Variants in PITRM1 observed in about 807,000 individuals in gnomAD.
PITRM1 encodes pitrilysin metallopeptidase 1.
A neutral mutation model predicts 129.9 loss-of-function variants in PITRM1; 100 were observed. That is an observed-to-expected ratio of 0.77 (90% CI 0.65 to 0.91). The LOEUF (loss-of-function observed/expected upper bound fraction) is 0.91, where lower values mean the gene tolerates loss of function less well. Among genes scored for constraint, PITRM1 ranks in the 40% least tolerant of loss-of-function variants. PITRM1 has a pLI of 0.00. For synonymous variants in PITRM1, 591 were observed against 508.8 expected, an observed-to-expected ratio of 1.16 and a Z score of -2.17; for missense variants, 1,471 against 1,318.3, an observed-to-expected ratio of 1.12 and a Z score of -1.79.
In PITRM1 at chr10:3,155,618, C is replaced by T. The variant is rs760990512; in HGVS notation, c.1594G>A (p.Gly532Arg). 41 of 1,613,760 alleles carry T rather than the reference C, an allele frequency of 2.5e-5. No homozygotes were observed. The highest frequency in any genetic ancestry group is 1.6e-4 in the Middle Eastern group (1 of 6,084). Residue 532 changes from glycine to arginine, a missense_variant, in exon 14 of 27, where the codon GGA (glycine) becomes AGA (arginine). Transcript: ENST00000224949. ...LKQKVEALSP[G>R]DRQQIYEKGL... ...TTCTCGTAGATCTGCTGCCTGTCTC[C>T]GGGGGACAGAGCCTCGACCTTCTGC...
chr10:3,171,653 G>T (rs537714591), intron 1 of PITRM1, among the ~76,000 whole-genome samples: 142 of 152,254 alleles, frequency 9.3e-4, no homozygotes, highest in African/African-American at 3.3e-3. Flanking sequence ...CGGCCAGGCT[G>T]GTCTTGAACT....
At chr10:3,150,715 AAG>A (rs1480058740) in intron 15 of PITRM1, among the ~76,000 whole-genome samples, 6 of 152,158 alleles carry the variant, frequency 3.9e-5, no homozygotes, top group African/African-American at 1.4e-4. Context: ...ACGTGACAAA[AAG>A]TACCACGGAA....
intron 20 of PITRM1, chr10:3,146,525 TGATCGCCA>T (rs985247854): frequency 1.3e-5 from 2 of 152,510 alleles, no homozygotes; most frequent in Admixed American, 6.5e-5. Context: ...CAAGAGACCC[TGATCGCCA>T]GGCTTCACCT....
Position 3,172,765 on chromosome 10 carries a change from C to T in PITRM1, c.8G>A (p.Arg3His), listed in dbSNP as rs750945997. The T allele has an allele frequency of 3.9e-6, 6 of 1,546,522 alleles. No individual in the cohort carries two copies. In the South Asian group the frequency reaches 7.2e-5, roughly 18 times the overall value. MW[R>H]CGGRQGLCVL... ...ACACAGGCCCTGCCGCCCGCCGCAG[C>T]GCCACATTGCGCATGACGAGCACCT... is the stretch of plus-strand genomic sequence containing the variant. The change falls in exon 1 of 27, where the codon CGC becomes CAC. Residue 3 changes from arginine to histidine, a missense_variant. Physicochemically the swap from Arg to His is conservative, Grantham distance 29. Coordinates refer to ENST00000224949, the MANE Select transcript of PITRM1 (RefSeq NM_014889.4).
intron 22 of PITRM1, chr10:3,143,992 T>A (rs534472697): frequency 1.8e-6 from 1 of 545,232 alleles, no homozygotes; most frequent in East Asian, 3.3e-5. Flanking sequence ...GAAGGGTGAG[T>A]TGCCCGGGAG....
intron 11 of PITRM1, 24 bp downstream of exon 11, chr10:3,158,016 T>C (rs766494073): frequency 9.2e-6 from 13 of 1,407,906 alleles, no homozygotes; most frequent in Admixed American, 3.3e-5. Context: ...CGAAAGCAGA[T>C]TGTTACAAAC....
At chr10:3,167,244 G>A (rs1162223006) in intron 2 of PITRM1, among the ~76,000 whole-genome samples, 1 of 150,348 alleles carries the variant, frequency 6.7e-6, no homozygotes, top group Admixed American at 6.6e-5. Context: ...CCTAAAAAAG[G>A]CAGATGAGAA....
At chr10:3,145,910 A>T in intron 20 of PITRM1, 194 bp from the exon 21 acceptor site, 1 of 579,254 alleles carries the variant, frequency 1.7e-6, no homozygotes, top group Admixed American at 3.0e-5. Flanking sequence ...AGATTTCCGC[A>T]CAGTTCAATG....
At position 3,165,431 on chromosome 10, in the gene PITRM1, A is replaced by T. The variant is rs1274252420; in HGVS notation, c.515T>A (p.Leu172Ter). 6.2e-7 allele frequency: 1 copy of T among 1,613,294 alleles called. No homozygotes were observed. Among genetic ancestry groups the T allele is most frequent in the East Asian group, 2.2e-5 (1 of 44,886 alleles). The change falls in exon 5 of 27, where the codon TTA (leucine) becomes TAA (stop). Residue 172 changes from leucine to a stop codon, truncating the protein, a stop_gained. Transcript: ENST00000224949. LOFTEE classifies it high-confidence loss of function. Reference sequence around the variant, plus strand: ...GACATACCAGAAATCCAGCTCGCGTAAACATGGGAAAAAGGTGGCATCCAA... The same window carrying T: ...GACATACCAGAAATCCAGCTCGCGTTAACATGGGAAAAAGGTGGCATCCAA... ...VYLDATFFPC[L>*]RELDFWQEGW...
In PITRM1 at chr10:3,147,209, T is replaced by C. The variant is rs1840971812; in HGVS notation, c.2277A>G (p.Lys759=). Residue 759 remains lysine, a synonymous_variant, in exon 20 of 27, where the codon AAA becomes AAG. Transcript: ENST00000224949. The part of the protein sequence containing the change: ...MKRIAEMTDI[K]PILRKLPRIK... ...TACGCGGGAGCTTCCTCAGGATGGG[T>C]TTGATATCTGTCATTTCTGCAATCC... 3.7e-6 allele frequency: 6 copies of C among 1,612,946 alleles called. No homozygotes were observed. Among genetic ancestry groups the C allele is most frequent in the Non-Finnish European group, 5.1e-6 (6 of 1,178,970 alleles).
chr10:3,138,635 C>G, intron 25 of PITRM1: 1 of 611,154 alleles, frequency 1.6e-6, no homozygotes, highest in Non-Finnish European at 2.9e-6. Context: ...CGGGCCGTGC[C>G]CACGTCCTCC....
chr10:3,155,598 G>C lies in PITRM1; in HGVS notation c.1614C>G (p.Tyr538Ter). The C allele has an allele frequency of 6.2e-7, 1 of 1,613,810 alleles. No homozygotes were observed. The highest frequency in any genetic ancestry group is 2.2e-5 in the East Asian group (1 of 44,848). Residue 538 changes from tyrosine to a stop codon, truncating the protein, a stop_gained, in exon 14 of 27, where the codon TAC (tyrosine) becomes TAG (stop). Coordinates refer to ENST00000224949, the MANE Select transcript of PITRM1 (RefSeq NM_014889.4). LOFTEE classifies it high-confidence loss of function. ...CGGAAGGAAGCCTCTGACCTTTCTC[G>C]TAGATCTGCTGCCTGTCTCCGGGGG... ...ALSPGDRQQI[Y>*]EKGLELRSQQ...
At chr10:3,147,017 A>C in intron 20 of PITRM1, 133 bp downstream of exon 20, 1 of 523,618 alleles carries the variant, frequency 1.9e-6, no homozygotes, top group Non-Finnish European at 3.4e-6. Context: ...TTGTTAGAAC[A>C]CTTGACATTT....
intron 3 of PITRM1, 23 bp downstream of exon 3, chr10:3,166,913 T>A (rs1045836158): frequency 1.6e-5 from 22 of 1,361,152 alleles, no homozygotes; most frequent in Non-Finnish European, 2.2e-5. Context: ...TTCAAGACCA[T>A]GTTCTTACAA....
intron 8 of PITRM1, 87 bp downstream of exon 8, chr10:3,160,117 C>T: frequency 7.2e-7 from 1 of 1,398,348 alleles, no homozygotes. Context: ...AACATGACAG[C>T]ATCTGAAATC....
At chr10:3,138,865 G>A (rs1470775387) in intron 25 of PITRM1, 39 bp downstream of exon 25, 1 of 1,604,232 alleles carries the variant, frequency 6.2e-7, no homozygotes, top group Non-Finnish European at 8.5e-7. Flanking sequence ...TCATCTGTGA[G>A]GCTGTGGGTT....
intron 7 of PITRM1, among the ~76,000 whole-genome samples, chr10:3,160,979 T>G (rs571725102): frequency 1.2e-4 from 18 of 152,210 alleles, no homozygotes; most frequent in Non-Finnish European, 2.2e-4. Context: ...TAGGCTGGTC[T>G]CGAACTCCTG....
intron 13 of PITRM1, among the ~76,000 whole-genome samples, chr10:3,156,088 C>T (rs916876037): frequency 5.3e-5 from 8 of 152,132 alleles, no homozygotes; most frequent in African/African-American, 1.9e-4. Context: ...GGATTTTAGT[C>T]TAATTGAAGA....
Position 3,166,963 on chromosome 10 carries a change from G to T in PITRM1, c.239C>A (p.Ala80Asp). ...DDTGARYLHL[A>D]REDTNNLFSV... ...GAACAGATTATTCGTGTCTTCTCTG[G>T]CCAGGTGTAAATACCTGGCTCCTGT... Residue 80 changes from alanine to aspartate, a missense_variant, in exon 3 of 27, where the codon GCC becomes GAC. Physicochemically the swap from Ala to Asp is moderately radical, Grantham distance 126. Transcript: ENST00000224949. 3 of 1,608,424 alleles carry T rather than the reference G, an allele frequency of 1.9e-6. No individual in the cohort carries two copies. Among genetic ancestry groups the T allele is most frequent in the African/African-American group, 1.3e-5 (1 of 74,960 alleles).
Sources: allele counts gnomAD v4.1 joint callset (sites outside exome capture counted in the v4.1 genomes callset), GRCh38; gene constraint gnomAD v4.1.1; transcripts MANE v1.5; gene names NCBI Gene and HGNC (gene_info 2026-07-23, HGNC 2026-07-21).